Variants in RAPGEF5 observed in about 807,000 individuals in gnomAD.
RAPGEF5 encodes the protein Rap guanine nucleotide exchange factor 5.
A neutral mutation model predicts 125.2 loss-of-function variants in RAPGEF5; 65 were observed. The observed-to-expected ratio is 0.52, with a 90% CI of 0.43 to 0.64. The LOEUF is 0.64. Among genes scored for constraint, RAPGEF5 ranks in the 30% least tolerant of loss-of-function variants. RAPGEF5 has a pLI of 0.00. For synonymous variants in RAPGEF5, 391 were observed against 385.9 expected, an observed-to-expected ratio of 1.01 and a Z score of -0.16; for missense variants, 958 against 1,048.1, an observed-to-expected ratio of 0.91 and a Z score of 1.19.
chr7:22,243,714 A>G (rs1786400108), intron 7 of RAPGEF5, among the ~76,000 whole-genome samples: 1 of 152,348 alleles, frequency 6.6e-6, no homozygotes, highest in South Asian at 2.1e-4. Context: ...CTATGTATAC[A>G]TTGTCAAGTG....
At chr7:22,159,751 G>A (rs1204176677) in intron 14 of RAPGEF5, among the ~76,000 whole-genome samples, 1 of 152,134 alleles carries the variant, frequency 6.6e-6, no homozygotes, top group Non-Finnish European at 1.5e-5. Context: ...TTGAGTAAAT[G>A]GCTTTTTAAA....
At chr7:22,269,044 T>A (rs944844595) in intron 6 of RAPGEF5, among the ~76,000 whole-genome samples, 1 of 152,018 alleles carries the variant, frequency 6.6e-6, no homozygotes, top group African/African-American at 2.4e-5. Context: ...CTTTTTTACA[T>A]AAAATAAATG....
intron 8 of RAPGEF5, among the ~76,000 whole-genome samples, chr7:22,225,392 T>A (rs4722115): frequency 0.53 from 79,935 of 152,084 alleles, 21,227 homozygotes; most frequent in East Asian, 0.7. Context: ...AACTTCTAGA[T>A]GCATTTTCAC....
In RAPGEF5 at chr7:22,119,523, T is replaced by G. The variant is rs1438860349; in HGVS notation, c.*2883A>C. 2 of 152,198 alleles carry G rather than the reference T, an allele frequency of 1.3e-5. No homozygotes were observed. Among genetic ancestry groups the G allele is most frequent in the African/African-American group, 4.8e-5 (2 of 41,458 alleles). The allele number at this position is 152,198 out of a possible 1,614,324, so 9.4% of individuals were successfully genotyped here. A position where few individuals can be genotyped will look rare whatever the true frequency, so the allele number is the denominator to read the frequency against. ...GTATGTAAAACAAAATTTTTTTTAA[T>G]AGCAAGGTTGTGATTTTGCCTACGG... is the stretch of plus-strand genomic sequence containing the variant. On this transcript the variant is annotated 3_prime_UTR_variant, in exon 26 of 26. Transcript: ENST00000665637. This position sits in a 1 kb window ranked among gnomAD's most constrained non-coding sequence, Gnocchi z 4.1.
chr7:22,314,758 TTTTGG>T (rs1276541133), intron 3 of RAPGEF5: 3 of 459,866 alleles, frequency 6.5e-6, no homozygotes, highest in African/African-American at 6.4e-5. Flanking sequence ...AATAATTTAC[TTTTGG>T]TTTTTTCTTT....
chr7:22,209,308 T>C (rs1035345100), intron 9 of RAPGEF5, among the ~76,000 whole-genome samples: 3 of 152,250 alleles, frequency 2.0e-5, no homozygotes, highest in African/African-American at 7.2e-5. Context: ...AAGTCTGCCT[T>C]GTGCAGGCTC....
chr7:22,174,824 T>G (rs963780752), intron 11 of RAPGEF5, among the ~76,000 whole-genome samples: 2 of 151,746 alleles, frequency 1.3e-5, no homozygotes, highest in Non-Finnish European at 2.9e-5. Flanking sequence ...GGGAGGGAGG[T>G]GAGTTTGCTT....
At chr7:22,291,318 G>A in intron 5 of RAPGEF5, 77 bp from the exon 6 acceptor site, 1 of 1,469,162 alleles carries the variant, frequency 6.8e-7, no homozygotes, top group Non-Finnish European at 9.0e-7. Context: ...GAAGAATAAA[G>A]GGCAAATAAT....
At chr7:22,313,978 C>T (rs536468068) in intron 3 of RAPGEF5, among the ~76,000 whole-genome samples, 44 of 152,298 alleles carry the variant, frequency 2.9e-4, no homozygotes, top group Non-Finnish European at 5.4e-4. Flanking sequence ...AACAGCAGAT[C>T]TTGGAGCTTT....
intron 9 of RAPGEF5, among the ~76,000 whole-genome samples, chr7:22,211,086 T>C (rs774096218): frequency 6.6e-6 from 1 of 151,852 alleles, no homozygotes; most frequent in Non-Finnish European, 1.5e-5. Flanking sequence ...TTATGTTCTG[T>C]TATGATATTT....
intron 6 of RAPGEF5, among the ~76,000 whole-genome samples, chr7:22,268,449 G>A (rs954115839): frequency 2.6e-4 from 40 of 152,138 alleles, no homozygotes; most frequent in African/African-American, 8.9e-4. Context: ...AAAAAGCATC[G>A]AAGTAAAAAT....
At chr7:22,162,354 T>A (rs763549262) in intron 13 of RAPGEF5, 43 bp downstream of exon 13, 2 of 1,506,980 alleles carry the variant, frequency 1.3e-6, no homozygotes, top group Non-Finnish European at 1.8e-6. Context: ...AAAAATAGAA[T>A]CAGTTATTTG....
At chr7:22,163,571 A>G (rs529506758) in intron 12 of RAPGEF5, among the ~76,000 whole-genome samples, 3 of 152,346 alleles carry the variant, frequency 2.0e-5, no homozygotes, top group South Asian at 4.1e-4. Context: ...TTTTTATTGT[A>G]CTTATTAGCA....
At chr7:22,182,142 T>A (rs529808828) in intron 11 of RAPGEF5, among the ~76,000 whole-genome samples, 128 of 152,306 alleles carry the variant, frequency 8.4e-4, no homozygotes, top group African/African-American at 3.0e-3. Context: ...CATTTTCTGA[T>A]AGAATGCTAA....
At chr7:22,296,123 A>G (rs1284522694) in intron 5 of RAPGEF5, among the ~76,000 whole-genome samples, 1 of 152,204 alleles carries the variant, frequency 6.6e-6, no homozygotes, top group African/African-American at 2.4e-5. Context: ...GATGTTAAGT[A>G]CATGACTGGG....
chr7:22,179,080 A>G (rs1047398358), intron 11 of RAPGEF5, among the ~76,000 whole-genome samples: 23 of 152,192 alleles, frequency 1.5e-4, no homozygotes, highest in Admixed American at 1.3e-3. Flanking sequence ...ATGAAATTCC[A>G]TGGTTTTAAG....
At chr7:22,221,038 A>C (rs1401300158) in intron 8 of RAPGEF5, among the ~76,000 whole-genome samples, 1 of 152,222 alleles carries the variant, frequency 6.6e-6, no homozygotes, top group Non-Finnish European at 1.5e-5. Context: ...AGCAATGACT[A>C]AATCTTTGTT....
At chr7:22,288,487 A>C (rs887913821) in intron 6 of RAPGEF5, among the ~76,000 whole-genome samples, 2 of 147,716 alleles carry the variant, frequency 1.4e-5, no homozygotes, top group African/African-American at 5.0e-5. Context: ...ACCTTTACCC[A>C]CTCATACTGA....
chr7:22,154,402 C>G (rs539147548), intron 17 of RAPGEF5, 53 bp downstream of exon 17: 1 of 1,592,306 alleles, frequency 6.3e-7, no homozygotes, highest in Non-Finnish European at 8.6e-7. Flanking sequence ...CACCTCCCTC[C>G]TTTTGAAGGA....
Sources: allele counts gnomAD v4.1 joint callset (sites outside exome capture counted in the v4.1 genomes callset), GRCh38; gene constraint gnomAD v4.1.1; non-coding constraint Gnocchi (gnomAD v3.1); transcripts MANE v1.5; gene names NCBI Gene and HGNC (gene_info 2026-07-23, HGNC 2026-07-21).